The following CNBD1 variants were observed in gnomAD, a reference collection of about 807,000 sequenced individuals.
The protein encoded by CNBD1 is cyclic nucleotide binding domain containing 1.
A neutral mutation model predicts 54.4 loss-of-function variants in CNBD1; 71 were observed. That is an observed-to-expected ratio of 1.30 (90% CI 1.08 to 1.59). The LOEUF is 1.59. Among genes scored for constraint, CNBD1 ranks in the 40% most tolerant of loss-of-function variants. CNBD1 has a pLI of 0.00. For missense variants in CNBD1, 659 were observed against 518.0 expected (o/e 1.27, Z -2.64); for synonymous variants, 182 against 170.7 (o/e 1.07, Z -0.51).
At chr8:87,344,657 A>G (rs1460250575) in intron 8 of CNBD1, among the ~76,000 whole-genome samples, 1 of 152,088 alleles carries the variant, frequency 6.6e-6, no homozygotes, top group African/African-American at 2.4e-5. Context: ...TATGTCTTGA[A>G]TCTAAATTAA....
intron 10 of CNBD1, among the ~76,000 whole-genome samples, chr8:87,378,911 A>T (rs1206474375): frequency 1.3e-5 from 2 of 148,802 alleles, no homozygotes; most frequent in Admixed American, 1.3e-4. Flanking sequence ...ATTCTCTTTG[A>T]AGCAATTGTG....
intron 4 of CNBD1, among the ~76,000 whole-genome samples, chr8:87,038,349 G>T (rs537032297): frequency 6.6e-6 from 1 of 152,188 alleles, no homozygotes; most frequent in African/African-American, 2.4e-5. Context: ...CCATGTAGGA[G>T]ACAGAGTTAT....
chr8:87,203,719 C>T (rs561495024), intron 4 of CNBD1, among the ~76,000 whole-genome samples: 553 of 152,268 alleles, frequency 3.6e-3, no homozygotes, highest in Middle Eastern at 0.031. Context: ...AGGACATACC[C>T]TCCTCCCCAT....
At chr8:87,018,159 C>T (rs1005063606) in intron 4 of CNBD1, among the ~76,000 whole-genome samples, 3 of 152,338 alleles carry the variant, frequency 2.0e-5, no homozygotes, top group African/African-American at 7.2e-5. Flanking sequence ...AGAAGAATCG[C>T]TTGAACCTGG....
intron 6 of CNBD1, among the ~76,000 whole-genome samples, chr8:87,263,609 T>G (rs566773513): frequency 2.0e-5 from 3 of 152,302 alleles, no homozygotes; most frequent in African/African-American, 7.2e-5. Flanking sequence ...ACGAACACAG[T>G]TCTGTTATTC....
At chr8:87,127,654 A>G (rs1812020717) in intron 4 of CNBD1, among the ~76,000 whole-genome samples, 1 of 152,040 alleles carries the variant, frequency 6.6e-6, no homozygotes, top group Non-Finnish European at 1.5e-5. Flanking sequence ...TCTTGACTTT[A>G]TGTCTTAGCT....
At chr8:86,904,453 G>T (rs4960992) in intron 2 of CNBD1, among the ~76,000 whole-genome samples, 47,497 of 151,664 alleles carry the variant, frequency 0.31, 7,580 homozygotes, top group East Asian at 0.42. Flanking sequence ...TTTGGTATTT[G>T]CCATGAATCA....
chr8:87,369,275 G>A (rs1399187876), intron 10 of CNBD1, among the ~76,000 whole-genome samples: 1 of 151,888 alleles, frequency 6.6e-6, no homozygotes, highest in Admixed American at 6.6e-5. Context: ...GTAAGATTTG[G>A]TTTCCTAGGT....
chr8:87,159,892 G>T (rs1053327246), intron 4 of CNBD1, among the ~76,000 whole-genome samples: 6 of 151,774 alleles, frequency 4.0e-5, no homozygotes, highest in African/African-American at 1.5e-4. Flanking sequence ...TTTAAAGGGG[G>T]TGGATATATT....
At position 87,039,498 on chromosome 8, in the gene CNBD1, T is replaced by C. The variant is rs146077892; in HGVS notation, c.431+99744T>C. 3.1e-3 allele frequency among the ~76,000 whole-genome samples: 468 copies of C among 152,312 alleles called. 3 individuals are homozygous for C. Among genetic ancestry groups the C allele is most frequent in the African/African-American group, 0.011 (451 of 41,566 alleles). On this transcript the variant is annotated intron_variant, in intron 4 of 10. Transcript: ENST00000518476. ...TTTACTAGAGGTTTATCTATTTTAT[T>C]GTCCCTTTCTAAGAAACTGCTTTTT...
intron 4 of CNBD1, among the ~76,000 whole-genome samples, chr8:87,107,703 C>CT (rs1266977685): frequency 6.8e-6 from 1 of 147,710 alleles, no homozygotes. Flanking sequence ...TTAAGAATTT[C>CT]TTTTGTTAAA....
intron 4 of CNBD1, among the ~76,000 whole-genome samples, chr8:87,084,245 C>A (rs906886348): frequency 6.6e-6 from 1 of 152,250 alleles, no homozygotes; most frequent in Admixed American, 6.5e-5. Context: ...GTTTTAAAAT[C>A]TGTATCTTTA....
intron 8 of CNBD1, among the ~76,000 whole-genome samples, chr8:87,344,968 C>G (rs1586032819): frequency 6.6e-6 from 1 of 152,118 alleles, no homozygotes; most frequent in African/African-American, 2.4e-5. Context: ...AAACTGAAAA[C>G]ATAGAAACTT....
intron 2 of CNBD1, among the ~76,000 whole-genome samples, chr8:87,389,749 C>CTT (rs1811269414): frequency 2.1e-4 from 31 of 147,170 alleles, no homozygotes; most frequent in East Asian, 4.0e-4. Context: ...TGGAAAAAAA[C>CTT]TAAAGTTCAT....
intron 4 of CNBD1, among the ~76,000 whole-genome samples, chr8:87,189,418 A>G (rs1813551450): frequency 6.6e-6 from 1 of 152,142 alleles, no homozygotes; most frequent in Admixed American, 6.5e-5. Context: ...AGACAAGCCT[A>G]TTATTTTCTT....
intron 4 of CNBD1, among the ~76,000 whole-genome samples, chr8:87,101,041 T>A (rs987951423): frequency 1.3e-5 from 2 of 152,206 alleles, no homozygotes; most frequent in African/African-American, 4.8e-5. Context: ...GATTTTAGTT[T>A]GAATCTAACT....
intron 4 of CNBD1, among the ~76,000 whole-genome samples, chr8:87,116,598 C>G (rs986468038): frequency 1.1e-4 from 17 of 152,116 alleles, no homozygotes; most frequent in African/African-American, 3.9e-4. Context: ...GGATATCTCA[C>G]ATATTTCAGA....
intron 8 of CNBD1, among the ~76,000 whole-genome samples, chr8:87,341,208 G>A (rs10095220): frequency 0.011 from 1,657 of 151,942 alleles, 40 homozygotes; most frequent in African/African-American, 0.038. Context: ...GTGTCTGCTT[G>A]TTGTAGCACT....
intron 1 of CNBD1, among the ~76,000 whole-genome samples, chr8:86,870,219 C>T (rs572982249): frequency 0.014 from 558 of 39,826 alleles, 3 homozygotes; most frequent in African/African-American, 0.065. Context: ...GACGGAATCT[C>T]GCTCTGTCGC....
Sources: allele counts gnomAD v4.1 joint callset (sites outside exome capture counted in the v4.1 genomes callset), GRCh38; gene constraint gnomAD v4.1.1; transcripts MANE v1.5; gene names NCBI Gene and HGNC (gene_info 2026-07-23, HGNC 2026-07-21).